Variants in SIMC1 observed in about 807,000 individuals in gnomAD.
SIMC1 encodes the protein SUMO-interacting motif-containing protein 1.
SIMC1 carries 55 observed loss-of-function variants against 82.3 expected under a neutral mutation model. The ratio of observed to expected loss-of-function variants is 0.67; its 90% CI spans 0.54 to 0.84. SIMC1 has a LOEUF of 0.84. Ranked by LOEUF, SIMC1 falls within the 40% of genes least tolerant of loss-of-function variation. The pLI, the probability that SIMC1 is intolerant of heterozygous loss-of-function variation, is 0.00. For synonymous variants in SIMC1, 353 were observed against 426.3 expected (o/e 0.83, Z 2.12); for missense variants, 915 against 1,107.2 (o/e 0.83, Z 2.46).
chr5:176,274,661 C>T (rs1762601104), intron 1 of SIMC1, among the ~76,000 whole-genome samples: 1 of 151,784 alleles, frequency 6.6e-6, no homozygotes, highest in South Asian at 2.1e-4. Context: ...AGTCTTTAAT[C>T]CATCTTGAAT....
At chr5:176,250,731 A>T (rs1167209586) in intron 1 of SIMC1, among the ~76,000 whole-genome samples, 1 of 151,970 alleles carries the variant, frequency 6.6e-6, no homozygotes, top group South Asian at 2.1e-4. Flanking sequence ...TTCTTTGTCT[A>T]TTTTGATCTT....
Position 176,313,060 on chromosome 5 carries a change from C to CT in SIMC1, c.1735-628dup, listed in dbSNP as rs1764732597. 1.6e-5 allele frequency: 3 copies of CT among 186,332 alleles called. No homozygotes were observed. The South Asian group carries it at 4.0e-4, about 25-fold the overall frequency. 11.5% of individuals were successfully genotyped at this position (186,332 alleles called of 1,614,324 possible). A position where few individuals can be genotyped will look rare whatever the true frequency, so the allele number is the denominator to read the frequency against. ...GCTGCGTGCCTCCAAAGCCCATGCT[C>CT]TTTAACTGTTTGTCAGTTAGGATCA... On this transcript the variant is annotated intron_variant, in intron 4 of 9. Coordinates refer to ENST00000429602, the MANE Select transcript of SIMC1 (RefSeq NM_001308195.2).
intron 5 of SIMC1, among the ~76,000 whole-genome samples, chr5:176,315,845 T>C (rs1253350147): frequency 1.3e-5 from 2 of 152,090 alleles, no homozygotes; most frequent in African/African-American, 4.8e-5. Context: ...AAGTAGAGAA[T>C]CAACAGAGAG....
At chr5:176,259,308 C>CA (rs930618524) in intron 1 of SIMC1, among the ~76,000 whole-genome samples, 2 of 151,590 alleles carry the variant, frequency 1.3e-5, no homozygotes, top group Non-Finnish European at 2.9e-5. Flanking sequence ...TCCACTAATA[C>CA]AAAAAATCAG....
intron 3 of SIMC1, 76 bp from the exon 4 acceptor site, chr5:176,296,175 C>T (rs1763806252): frequency 6.3e-6 from 10 of 1,596,052 alleles, no homozygotes; most frequent in African/African-American, 2.7e-5. Context: ...AGGCTTCTTC[C>T]TTCTATCACC....
rs186084485 is a variant in SIMC1, at chr5:176,272,108, C to G, written c.130-17546C>G. On this transcript the variant is annotated intron_variant, in intron 1 of 9. Coordinates refer to ENST00000429602, the MANE Select transcript of SIMC1 (RefSeq NM_001308195.2). The stretch of plus-strand genomic sequence containing the variant: ...TGGTCATCCCACCACTTTGGGAGAC[C>G]AAGGCAAGAGGATTCCTTGAGCCCA... Among the ~76,000 whole-genome samples the G allele has an allele frequency of 3.9e-3, 518 of 131,664 alleles. 3 individuals are homozygous for G. The highest frequency in any genetic ancestry group is 0.014 in the African/African-American group (491 of 34,252). The allele number at this position is 131,664 out of a possible 152,430, so 86.4% of individuals were successfully genotyped here.
chr5:176,313,169 G>A lies in SIMC1; in HGVS notation c.1735-522G>A, dbSNP rs116413977. 919 of 678,702 alleles carry A rather than the reference G, an allele frequency of 1.4e-3. 7 individuals are homozygous for A. The highest frequency in any genetic ancestry group is 0.013 in the African/African-American group (684 of 53,414). The allele number at this position is 678,702 out of a possible 1,614,324, so 42.0% of individuals were successfully genotyped here. A position where few individuals can be genotyped will look rare whatever the true frequency, so the allele number is the denominator to read the frequency against. ...CCAACAGACTTGGCTCAATCAGCTC[G>A]CATGACTGGAAGTTCATCAGTAGAG... On this transcript the variant is annotated intron_variant, in intron 4 of 9. Transcript: ENST00000429602.
At chr5:176,291,931 C>A in intron 2 of SIMC1, among the ~76,000 whole-genome samples, 1 of 152,118 alleles carries the variant, frequency 6.6e-6, no homozygotes, top group Non-Finnish European at 1.5e-5. Context: ...TGGCATGCAC[C>A]TGTAATCCCA....
intron 1 of SIMC1, among the ~76,000 whole-genome samples, chr5:176,251,238 T>A (rs1352936233): frequency 1.3e-5 from 2 of 152,300 alleles, no homozygotes; most frequent in Admixed American, 6.5e-5. Flanking sequence ...CACACTCCTG[T>A]AGTCCCAGCT....
chr5:176,272,384 CA>C (rs70991523), intron 1 of SIMC1, among the ~76,000 whole-genome samples: 35 of 143,276 alleles, frequency 2.4e-4, no homozygotes, highest in South Asian at 6.7e-4. Flanking sequence ...TGCAATAAGG[CA>C]AAAAAAAAAA....
rs991980167 is a variant in SIMC1 at position 176,345,709 on chromosome 5, C to T, written c.*264C>T. 1 of 193,590 alleles carries T rather than the reference C, an allele frequency of 5.2e-6. No homozygotes were observed. The highest frequency in any genetic ancestry group is 1.2e-4 in the East Asian group (1 of 8,322). 12.0% of individuals were successfully genotyped at this position (193,590 alleles called of 1,614,324 possible). A position where few individuals can be genotyped will look rare whatever the true frequency, so the allele number is the denominator to read the frequency against. On this transcript the variant is annotated 3_prime_UTR_variant, in exon 10 of 10. Transcript: ENST00000429602. ...TATACTTTTTTGAAACAGGTTAATA[C>T]TCTGTGCATCACATGTTTAACATTT...
intron 1 of SIMC1, among the ~76,000 whole-genome samples, chr5:176,242,070 A>C (rs951836807): frequency 1.3e-5 from 2 of 152,160 alleles, no homozygotes; most frequent in African/African-American, 4.8e-5. Flanking sequence ...AACCCAGGAG[A>C]GAACACTTGT....
Position 176,336,757 on chromosome 5 carries a change from C to T in SIMC1, c.2209C>T (p.Arg737Cys), listed in dbSNP as rs564067290. The change falls in exon 8 of 10, where the codon CGC becomes TGC. Residue 737 changes from arginine (R) to cysteine (C), a missense_variant. This residue lies in a region of SIMC1 where 902 missense variants were observed against 1,040.3 expected (regional missense o/e 0.87). Transcript: ENST00000429602. ...TACTACCATGGAAAGCCACCTTCTG[C>T]GCTGCAAAGTGTTAGAAATCATATT... ...FFTTMESHLL[R>C]CKVLEIIFLH... 2.2e-5 allele frequency: 36 copies of T among 1,614,020 alleles called. No individual in the cohort carries two copies. Among genetic ancestry groups the T allele is most frequent in the South Asian group, 3.3e-5 (3 of 91,084 alleles).
chr5:176,284,333 A>G (rs1232828351), intron 1 of SIMC1, among the ~76,000 whole-genome samples: 2 of 152,252 alleles, frequency 1.3e-5, no homozygotes, highest in African/African-American at 4.8e-5. Flanking sequence ...TTCTCAGACC[A>G]CAGTGCAATC....
intron 4 of SIMC1, among the ~76,000 whole-genome samples, chr5:176,312,576 T>C (rs951648742): frequency 6.7e-6 from 1 of 148,222 alleles, no homozygotes; most frequent in East Asian, 2.0e-4. Flanking sequence ...CACAGGTACA[T>C]GATTTTTTAA....
intron 4 of SIMC1, chr5:176,308,142 T>C: frequency 1.9e-6 from 2 of 1,041,108 alleles, no homozygotes; most frequent in Non-Finnish European, 3.0e-6. Context: ...AACCATGCTC[T>C]GAGCACAGAG....
chr5:176,274,109 A>G (rs951177012), intron 1 of SIMC1, among the ~76,000 whole-genome samples: 5 of 148,814 alleles, frequency 3.4e-5, no homozygotes, highest in African/African-American at 1.2e-4. Flanking sequence ...GAACTAGTTT[A>G]CAGTCCCACC....
chr5:176,246,724 A>G lies in SIMC1; in HGVS notation c.129+8087A>G, dbSNP rs561592933. On this transcript the variant is annotated intron_variant, in intron 1 of 9. Transcript: ENST00000429602. The stretch of plus-strand genomic sequence containing the variant: ...TGCTGCACTTATCAACCCATCATCT[A>G]CCTTAGGTATTTCTCCTAATGCAAT... Among the ~76,000 whole-genome samples, 46 of 151,822 alleles carry G rather than the reference A, an allele frequency of 3.0e-4. 1 individual carries two copies. Among genetic ancestry groups the G allele is most frequent in the Non-Finnish European group, 5.6e-4 (38 of 67,948 alleles).
At chr5:176,305,632 G>A (rs1174853234) in intron 4 of SIMC1, among the ~76,000 whole-genome samples, 54 of 134,288 alleles carry the variant, frequency 4.0e-4, no homozygotes, top group African/African-American at 1.5e-3. Flanking sequence ...GGTGAGGGGC[G>A]CCTCTGCCCG....
Sources: allele counts gnomAD v4.1 joint callset (sites outside exome capture counted in the v4.1 genomes callset), GRCh38; gene constraint gnomAD v4.1.1; regional missense constraint gnomAD v4.1.1; transcripts MANE v1.5; gene names NCBI Gene and HGNC (gene_info 2026-07-23, HGNC 2026-07-21).